Variants in UBR7 observed in about 807,000 individuals in gnomAD.
The protein encoded by UBR7 is ubiquitin protein ligase E3 component n-recognin 7, also known as putative E3 ubiquitin-protein ligase UBR7.
In UBR7, 22 loss-of-function variants were observed where a neutral mutation model predicts 57.0. That is an observed-to-expected ratio of 0.39 (90% confidence interval 0.28 to 0.55). UBR7 has a LOEUF of 0.55. Ranked by LOEUF, UBR7 falls within the 20% of genes least tolerant of loss-of-function variation. The pLI, the probability that UBR7 is intolerant of heterozygous loss-of-function variation, is 0.69. For synonymous variants in UBR7, 167 were observed against 179.8 expected, an observed-to-expected ratio of 0.93 and a Z score of 0.57; for missense variants, 395 against 513.2, an observed-to-expected ratio of 0.77 and a Z score of 2.23.
At chr14:93,217,462 A>G (rs866921968) in intron 6 of UBR7, among the ~76,000 whole-genome samples, 2 of 152,130 alleles carry the variant, frequency 1.3e-5, no homozygotes, top group African/African-American at 2.4e-5. Flanking sequence ...TCTGTCTCAG[A>G]GTATATCTGC....
At chr14:93,210,497 C>A in intron 2 of UBR7, 151 bp from the exon 3 acceptor site, 2 of 670,702 alleles carry the variant, frequency 3.0e-6, no homozygotes, top group South Asian at 1.8e-5. Context: ...CATCATTTTA[C>A]TTGTGTGTTT....
At position 93,228,911 on chromosome 14, in the gene UBR7, C is replaced by T. The variant is rs753751876; in HGVS notation, c.*1876C>T. Reference sequence around the variant, plus strand: ...CAATAGTACCGATCAGTTAACTCAGCGCTGAAGGGCTTGTTTTATGAAAGG... The same window carrying T: ...CAATAGTACCGATCAGTTAACTCAGTGCTGAAGGGCTTGTTTTATGAAAGG... On this transcript the variant is annotated 3_prime_UTR_variant, in exon 11 of 11. Coordinates refer to ENST00000013070, the MANE Select transcript of UBR7 (RefSeq NM_175748.4). The T allele has an allele frequency of 3.3e-5, 15 of 453,980 alleles. No individual in the cohort carries two copies. Among genetic ancestry groups the T allele is most frequent in the East Asian group, 6.9e-5 (1 of 14,412 alleles). 28.1% of individuals were successfully genotyped at this position (453,980 alleles called of 1,614,324 possible).
Position 93,228,966 on chromosome 14 carries a change from A to T in UBR7, c.*1931A>T, listed in dbSNP as rs1167068259. 15 of 453,312 alleles carry T rather than the reference A, an allele frequency of 3.3e-5. No homozygotes were observed. Among genetic ancestry groups the T allele is most frequent in the Middle Eastern group, 6.8e-4 (1 of 1,466 alleles). The allele number at this position is 453,312 out of a possible 1,614,324, so 28.1% of individuals were successfully genotyped here. ...ATTCCTTCTTTCACATTAACTGGAA[A>T]CCTCTTTTTTTACCTGTTGTTCACA... On this transcript the variant is annotated 3_prime_UTR_variant, in exon 11 of 11. Coordinates refer to ENST00000013070, the MANE Select transcript of UBR7 (RefSeq NM_175748.4).
intron 9 of UBR7, among the ~76,000 whole-genome samples, chr14:93,221,577 A>G (rs896646259): frequency 5.9e-5 from 9 of 151,968 alleles, no homozygotes; most frequent in African/African-American, 2.2e-4. Flanking sequence ...TATAATTATT[A>G]ATTTCTTTTT....
chr14:93,228,964 A>G lies in UBR7; in HGVS notation c.*1929A>G, dbSNP rs1400038556. 2.2e-6 allele frequency: 1 copy of G among 453,956 alleles called. No homozygotes were observed. The highest frequency in any genetic ancestry group is 2.0e-5 in the African/African-American group (1 of 50,002). The allele number at this position is 453,956 out of a possible 1,614,324, so 28.1% of individuals were successfully genotyped here. On this transcript the variant is annotated 3_prime_UTR_variant, in exon 11 of 11. Coordinates refer to ENST00000013070, the MANE Select transcript of UBR7 (RefSeq NM_175748.4). The stretch of plus-strand genomic sequence containing the variant: ...CTATTCCTTCTTTCACATTAACTGG[A>G]AACCTCTTTTTTTACCTGTTGTTCA...
rs1388265738 is a variant in UBR7, at chr14:93,227,617, C to T, written c.*582C>T. On this transcript the variant is annotated 3_prime_UTR_variant, in exon 11 of 11. Coordinates refer to ENST00000013070, the MANE Select transcript of UBR7 (RefSeq NM_175748.4). ...CTCTAGGCCCAACCTCCAGAGTAGC[C>T]AGGACTGATGGTTTTCTGGTCTGGA... 1 of 700,670 alleles carries T rather than the reference C, an allele frequency of 1.4e-6. No homozygotes were observed. Among genetic ancestry groups the T allele is most frequent in the Admixed American group, 2.0e-5 (1 of 50,000 alleles). 43.4% of individuals were successfully genotyped at this position (700,670 alleles called of 1,614,324 possible). A position where few individuals can be genotyped will look rare whatever the true frequency, so the allele number is the denominator to read the frequency against.
intron 6 of UBR7, among the ~76,000 whole-genome samples, 158 bp downstream of exon 6, chr14:93,215,439 A>C (rs1313092218): frequency 6.6e-6 from 1 of 152,136 alleles, no homozygotes; most frequent in Admixed American, 6.5e-5. Context: ...TAATCCCAGC[A>C]CTTTGGGAGG....
At chr14:93,211,375 C>G (rs1894478751) in intron 3 of UBR7, among the ~76,000 whole-genome samples, 1 of 61,346 alleles carries the variant, frequency 1.6e-5, no homozygotes, top group Non-Finnish European at 2.7e-5. Flanking sequence ...GGTGAAACCC[C>G]CCCGTACTAA....
At chr14:93,211,541 C>T (rs554261606) in intron 3 of UBR7, among the ~76,000 whole-genome samples, 11 of 150,058 alleles carry the variant, frequency 7.3e-5, no homozygotes, top group Non-Finnish European at 1.6e-4. Context: ...AGCGAGACTC[C>T]ATCTCAAAAA....
intron 7 of UBR7, 131 bp downstream of exon 7, chr14:93,218,866 G>A (rs1894648280): frequency 3.2e-6 from 3 of 941,214 alleles, no homozygotes; most frequent in Non-Finnish European, 4.8e-6. Flanking sequence ...ACCAGCCTTG[G>A]CAACATGGGT....
intron 6 of UBR7, 100 bp from the exon 7 acceptor site, chr14:93,218,421 AAATAAT>A: frequency 2.9e-6 from 3 of 1,029,988 alleles, no homozygotes; most frequent in Non-Finnish European, 4.3e-6. Context: ...TAAAAAAAAA[AAATAAT>A]AATAATAGAA....
At position 93,209,951 on chromosome 14, in the gene UBR7, C is replaced by CA; in HGVS notation, c.283dup (p.Arg95LysfsTer6). 2.5e-6 allele frequency: 4 copies of CA among 1,613,876 alleles called. No homozygotes were observed. Among genetic ancestry groups the CA allele is most frequent in the Non-Finnish European group, 3.4e-6 (4 of 1,179,926 alleles). On this transcript the variant is annotated frameshift_variant, in exon 2 of 11. Coordinates refer to ENST00000013070, the MANE Select transcript of UBR7 (RefSeq NM_175748.4). LOFTEE classifies it high-confidence loss of function. ...AGTCACAAACTATTTGAGCTATACA[C>CA]AAAAAGGTAAACATAGTCAAGAGAT...
chr14:93,217,819 G>T (rs1158953161), intron 6 of UBR7, among the ~76,000 whole-genome samples: 1 of 152,216 alleles, frequency 6.6e-6, no homozygotes, highest in African/African-American at 2.4e-5. Context: ...TTTTAGGTCA[G>T]ATGTGGTGGC....
intron 1 of UBR7, 83 bp from the exon 2 acceptor site, chr14:93,209,741 T>C: frequency 2.0e-6 from 3 of 1,506,686 alleles, no homozygotes; most frequent in Non-Finnish European, 2.7e-6. Context: ...AATCTGATTT[T>C]AATTATTTTT....
Position 93,218,634 on chromosome 14 carries a change from A to C in UBR7, c.709A>C (p.Lys237Gln), listed in dbSNP as rs974420574. The C allele has an allele frequency of 6.2e-7, 1 of 1,614,180 alleles. No individual in the cohort carries two copies. Among genetic ancestry groups the C allele is most frequent in the Non-Finnish European group, 8.5e-7 (1 of 1,180,048 alleles). The part of the protein sequence containing the change: ...ENGEHQDSTL[K>Q]EDVPEQGKDD... ...TGGAGAGCATCAAGATAGTACCCTC[A>C]AAGAGGATGTTCCAGAACAGGGAAA... Residue 237 changes from lysine (K) to glutamine (Q), a missense_variant, in exon 7 of 11, where the codon AAA (lysine) becomes CAA (glutamine). By Grantham distance (53) the Lys-to-Gln change is moderately conservative (BLOSUM62 1). Coordinates refer to ENST00000013070, the MANE Select transcript of UBR7 (RefSeq NM_175748.4).
chr14:93,217,838 G>C (rs1051025266), intron 6 of UBR7, among the ~76,000 whole-genome samples: 4 of 152,172 alleles, frequency 2.6e-5, no homozygotes, highest in Non-Finnish European at 5.9e-5. Flanking sequence ...GCTCATGCCT[G>C]TAATCCCAGC....
intron 1 of UBR7, among the ~76,000 whole-genome samples, chr14:93,208,491 T>C (rs1425169188): frequency 2.0e-5 from 3 of 151,738 alleles, no homozygotes; most frequent in Non-Finnish European, 1.5e-5. Context: ...AAAAAAGTTA[T>C]GTCTATATGT....
chr14:93,224,093 C>CAGTG (rs745839411), intron 10 of UBR7: 2 of 967,130 alleles, frequency 2.1e-6, no homozygotes, highest in Non-Finnish European at 3.3e-6. Context: ...GGTGGGCAGG[C>CAGTG]AGTGACCCAC....
At position 93,228,317 on chromosome 14, in the gene UBR7, A is replaced by AC. The variant is rs1364427872; in HGVS notation, c.*1285dup. On this transcript the variant is annotated 3_prime_UTR_variant, in exon 11 of 11. Coordinates refer to ENST00000013070, the MANE Select transcript of UBR7 (RefSeq NM_175748.4). ...GGAAATGCCTTGTGATACATAGAGAACCCTCAGCTTCTCTCTGCCTCTGGA... is the reference window on the plus strand; with the variant it reads ...GGAAATGCCTTGTGATACATAGAGAACCCCTCAGCTTCTCTCTGCCTCTGGA... 2.2e-6 allele frequency: 1 copy of AC among 455,682 alleles called. No individual in the cohort carries two copies. Among genetic ancestry groups the AC allele is most frequent in the Non-Finnish European group, 4.4e-6 (1 of 227,720 alleles). The allele number at this position is 455,682 out of a possible 1,614,324, so 28.2% of individuals were successfully genotyped here.
Sources: gnomAD v4.1 joint callset for allele counts (sites outside exome capture counted in the v4.1 genomes callset) on GRCh38, gnomAD v4.1.1 for gene constraint, MANE v1.5 for transcripts, NCBI Gene and HGNC (gene_info 2026-07-23, HGNC 2026-07-21) for gene names.